The following VLDLR variants were observed in gnomAD, a reference collection of about 807,000 sequenced individuals.
VLDLR encodes the protein very low-density lipoprotein receptor.
VLDLR carries 81 observed loss-of-function variants against 112.7 expected under a neutral mutation model. That is an observed-to-expected ratio of 0.72 (90% CI 0.60 to 0.86). The LOEUF (loss-of-function observed/expected upper bound fraction) is 0.86. Ranked by LOEUF, VLDLR falls within the 40% of genes least tolerant of loss-of-function variation. VLDLR has a pLI of 0.00. For synonymous variants in VLDLR, 436 were observed against 384.8 expected (o/e 1.13, Z -1.56); for missense variants, 1,237 against 1,099.4 (o/e 1.13, Z -1.77).
At chr9:2,645,429 C>T in intron 9 of VLDLR, 145 bp from the exon 10 acceptor site, 1 of 1,046,420 alleles carries the variant, frequency 9.6e-7, no homozygotes, top group Admixed American at 2.0e-5. Context: ...TTGCAGGTCC[C>T]AGGGGCAGGA....
intron 18 of VLDLR, 56 bp from the exon 19 acceptor site, chr9:2,653,777 G>C: frequency 6.2e-7 from 1 of 1,600,896 alleles, no homozygotes; most frequent in African/African-American, 1.3e-5. Flanking sequence ...TTAAAGACTA[G>C]AGTTGCCATC....
At chr9:2,639,756 T>A in intron 2 of VLDLR, 103 bp from the exon 3 acceptor site, 2 of 1,593,936 alleles carry the variant, frequency 1.3e-6, no homozygotes, top group South Asian at 2.2e-5. Context: ...GACTCAGCTT[T>A]TTTTTAGAGC....
intron 4 of VLDLR, among the ~76,000 whole-genome samples, 156 bp from the exon 5 acceptor site, chr9:2,643,004 T>C (rs983486481): frequency 3.9e-5 from 6 of 152,232 alleles, no homozygotes; most frequent in African/African-American, 1.4e-4. Context: ...ACAATGAGAC[T>C]GTACAAAAGT....
Position 2,644,950 on chromosome 9 carries a change from C to G in VLDLR, c.1187-7C>G, listed in dbSNP as rs1818003685. ...AGCAGCAAGACTAATTCTGATTTCC[C>G]TCCCAGATATTGATGAATGCCAAAA... On this transcript the variant is annotated splice_region_variant and splice_polypyrimidine_tract_variant and intron_variant, in intron 8 of 18. Coordinates refer to ENST00000382100, the MANE Select transcript of VLDLR (RefSeq NM_003383.5). 1 of 1,614,162 alleles carries G rather than the reference C, an allele frequency of 6.2e-7. No homozygotes were observed. Among genetic ancestry groups the G allele is most frequent in the Non-Finnish European group, 8.5e-7 (1 of 1,180,042 alleles).
chr9:2,639,796 C>T, intron 2 of VLDLR, 63 bp from the exon 3 acceptor site: 1 of 1,612,250 alleles, frequency 6.2e-7, no homozygotes, highest in Non-Finnish European at 8.5e-7. Flanking sequence ...TATGAGCCCT[C>T]ATGTGAAGCT....
chr9:2,653,795 G>C (rs1818467706), intron 18 of VLDLR, 38 bp from the exon 19 acceptor site: 2 of 1,613,394 alleles, frequency 1.2e-6, no homozygotes, highest in Non-Finnish European at 1.7e-6. Context: ...ATCAGTGAGT[G>C]ATCACCAAGC....
chr9:2,643,316 C>A lies in VLDLR; in HGVS notation c.605C>A (p.Thr202Asn), dbSNP rs762489289. ...GGCGCCCATGAGTTCCAGTGCAGCA[C>A]CTCCTCCTGCATCCCCATCAGCTGG... ...TCGAHEFQCS[T>N]SSCIPISWVC... Residue 202 changes from threonine to asparagine, a missense_variant, in exon 5 of 19, where the codon ACC becomes AAC. Transcript: ENST00000382100. The A allele has an allele frequency of 1.2e-6, 2 of 1,614,000 alleles. No homozygotes were observed. The highest frequency in any genetic ancestry group is 1.7e-6 in the Non-Finnish European group (2 of 1,179,928).
In VLDLR at chr9:2,643,729, G is replaced by T. The variant is rs748931860; in HGVS notation, c.922G>T (p.Asp308Tyr). 1 of 1,614,178 alleles carries T rather than the reference G, an allele frequency of 6.2e-7. No individual in the cohort carries two copies. The highest frequency in any genetic ancestry group is 1.7e-5 in the Admixed American group (1 of 60,030). Residue 308 changes from aspartate (D) to tyrosine (Y), a missense_variant, in exon 6 of 19, where the codon GAT (aspartate) becomes TAT (tyrosine). Physicochemically the swap from Asp to Tyr is radical, Grantham distance 160. Transcript: ENST00000382100. ...NGIRDCVDGSDEVNCKNVNQC... is the reference protein window; with the variant it reads ...NGIRDCVDGSYEVNCKNVNQC... ...TATCCGAGACTGTGTCGATGGTTCC[G>T]ATGAAGTCAACTGCAAAAATGGTAA... is the stretch of plus-strand genomic sequence containing the variant.
rs138053412 is a variant in VLDLR at position 2,650,474 on chromosome 9, C to A, written c.2209C>A (p.Pro737Thr). Residue 737 changes from proline to threonine, a missense_variant, in exon 15 of 19, where the codon CCC (proline) becomes ACC (threonine). Transcript: ENST00000382100. ...DHSPKYTCSC[P>T]SGYNVEENGR... is the part of the protein sequence containing the mutation. ...CTCTCCAAAATATACCTGTTCCTGTCCCAGTGGGTACAATGTAGAGGAAAA... is the reference window on the plus strand; with the variant it reads ...CTCTCCAAAATATACCTGTTCCTGTACCAGTGGGTACAATGTAGAGGAAAA... 4.3e-6 allele frequency: 7 copies of A among 1,614,000 alleles called. No homozygotes were observed. The highest frequency in any genetic ancestry group is 5.9e-6 in the Non-Finnish European group (7 of 1,180,004).
intron 16 of VLDLR, 100 bp downstream of exon 16, chr9:2,651,598 G>T: frequency 8.9e-7 from 1 of 1,124,174 alleles, no homozygotes; most frequent in South Asian, 1.3e-5. Context: ...TACTATTTCT[G>T]CCCCAATTGG....
At position 2,638,464 on chromosome 9, in the gene VLDLR, T is replaced by G. The variant is rs546523624; in HGVS notation, c.203-1395T>G. ...TTCACTTATTTACCTTCACAGAATA[T>G]ATGTTATAGAGGAATGTTTTAAAAT... On this transcript the variant is annotated intron_variant, in intron 2 of 18. Transcript: ENST00000382100. 2.0e-5 allele frequency among the ~76,000 whole-genome samples: 3 copies of G among 152,318 alleles called. No homozygotes were observed. In the South Asian group the frequency reaches 6.2e-4, roughly 32 times the overall value.
At chr9:2,629,202 G>A (rs1212851677) in intron 1 of VLDLR, among the ~76,000 whole-genome samples, 4 of 152,330 alleles carry the variant, frequency 2.6e-5, no homozygotes, top group East Asian at 1.9e-4. Context: ...TGATGCACAC[G>A]GGAGCTTGAG....
intron 13 of VLDLR, 52 bp from the exon 14 acceptor site, chr9:2,648,617 T>G: frequency 6.2e-7 from 1 of 1,613,728 alleles, no homozygotes; most frequent in Non-Finnish European, 8.5e-7. Context: ...ACCTTAGAAA[T>G]GGACTTGTGT....
chr9:2,645,506 A>T (rs1341785287), intron 9 of VLDLR, 68 bp from the exon 10 acceptor site: 1 of 1,566,330 alleles, frequency 6.4e-7, no homozygotes, highest in East Asian at 2.2e-5. Context: ...CTCTGCTGGG[A>T]GGAGGTGGTT....
At position 2,643,223 on chromosome 9, in the gene VLDLR, T is replaced by G; in HGVS notation, c.512T>G (p.Phe171Cys). Residue 171 changes from phenylalanine (F) to cysteine (C), a missense_variant, in exon 5 of 19, where the codon TTT becomes TGT. Coordinates refer to ENST00000382100, the MANE Select transcript of VLDLR (RefSeq NM_003383.5). ...CSSGRCISRNFVCNGQDDCSD... is the reference protein window; with the variant it reads ...CSSGRCISRNCVCNGQDDCSD... ...AGTGGCCGCTGCATCTCCAGGAACTTTGTATGCAATGGCCAGGATGACTGC... is the reference window on the plus strand; with the variant it reads ...AGTGGCCGCTGCATCTCCAGGAACTGTGTATGCAATGGCCAGGATGACTGC... 6.2e-7 allele frequency: 1 copy of G among 1,614,076 alleles called. No individual in the cohort carries two copies. The highest frequency in any genetic ancestry group is 8.5e-7 in the Non-Finnish European group (1 of 1,180,034).
rs1037058457 is a variant in VLDLR at position 2,654,760 on chromosome 9, C to G, written c.*892C>G. On this transcript the variant is annotated 3_prime_UTR_variant, in exon 19 of 19. Coordinates refer to ENST00000382100, the MANE Select transcript of VLDLR (RefSeq NM_003383.5). ...TTTTTCCATTAACTTGTTTCCTGATCGAGAAACACGTGCTAAGATTTCTAT... is the reference window on the plus strand; with the variant it reads ...TTTTTCCATTAACTTGTTTCCTGATGGAGAAACACGTGCTAAGATTTCTAT... 6 of 151,988 alleles carry G rather than the reference C, an allele frequency of 3.9e-5. No individual in the cohort carries two copies. The highest frequency in any genetic ancestry group is 2.0e-4 in the Admixed American group (3 of 15,250). The allele number at this position is 151,988 out of a possible 1,614,324, so 9.4% of individuals were successfully genotyped here. A position where few individuals can be genotyped will look rare whatever the true frequency, so the allele number is the denominator to read the frequency against.
intron 1 of VLDLR, among the ~76,000 whole-genome samples, chr9:2,629,828 C>G (rs1382540418): frequency 6.6e-6 from 1 of 152,186 alleles, no homozygotes; most frequent in Non-Finnish European, 1.5e-5. Flanking sequence ...TGGAGTTTCA[C>G]TCTTGTTGCC....
chr9:2,633,487 T>C (rs181768822), intron 1 of VLDLR, among the ~76,000 whole-genome samples: 2 of 152,294 alleles, frequency 1.3e-5, no homozygotes, highest in Non-Finnish European at 2.9e-5. Flanking sequence ...GGTGGGAAAC[T>C]ATCAATTGAC....
intron 12 of VLDLR, chr9:2,647,846 G>A: frequency 1.7e-6 from 1 of 592,680 alleles, no homozygotes; most frequent in South Asian, 2.0e-5. Flanking sequence ...GGTCTTGGGT[G>A]CACTCATACT....
Sources: allele counts gnomAD v4.1 joint callset (sites outside exome capture counted in the v4.1 genomes callset), GRCh38; gene constraint gnomAD v4.1.1; transcripts MANE v1.5; gene names NCBI Gene and HGNC (gene_info 2026-07-23, HGNC 2026-07-21).